DCT: variants seen among roughly 807,000 people sequenced by gnomAD.
DCT encodes the protein dopachrome tautomerase.
A neutral mutation model predicts 53.0 loss-of-function variants in DCT; 47 were observed. That is an observed-to-expected ratio of 0.89 (90% confidence interval 0.70 to 1.13). The LOEUF (loss-of-function observed/expected upper bound fraction) is 1.13, where lower values mean the gene tolerates loss of function less well. DCT is among the 50% of genes most tolerant of loss of function. The pLI, the probability that DCT is intolerant of heterozygous loss-of-function variation, is 0.00. For synonymous variants in DCT, 244 were observed against 237.0 expected (o/e 1.03, Z -0.27); for missense variants, 669 against 637.4 (o/e 1.05, Z -0.53).
intron 7 of DCT, among the ~76,000 whole-genome samples, chr13:94,442,539 G>A (rs1252501706): frequency 1.3e-5 from 2 of 152,130 alleles, no homozygotes; most frequent in East Asian, 3.9e-4. Flanking sequence ...TCTTTAAATG[G>A]TGTGTGGAGC....
In DCT at chr13:94,465,725, A is replaced by G. The variant is rs780808126; in HGVS notation, c.771T>C (p.Cys257=). The G allele has an allele frequency of 6.0e-5, 96 of 1,613,300 alleles. No homozygotes were observed. The highest frequency in any genetic ancestry group is 8.0e-5 in the Non-Finnish European group (94 of 1,179,838). ...TCGCTGCCCCAAACAGCTGGTCTGT[A>G]CACACATCACACTCGTTCCTCCCAG... ...FATGRNECDV[C]TDQLFGAARP... is the part of the protein sequence containing the mutation. Residue 257 remains cysteine (C), a synonymous_variant, in exon 4 of 8, where the codon TGT becomes TGC. Transcript: ENST00000377028.
At chr13:94,469,080 G>A in intron 1 of DCT, 35 bp from the exon 2 acceptor site, 2 of 1,550,912 alleles carry the variant, frequency 1.3e-6, no homozygotes, top group Non-Finnish European at 1.8e-6. Context: ...AAAGGAAGGG[G>A]GTTTATGTCG....
chr13:94,461,116 A>G (rs886195459), intron 5 of DCT, among the ~76,000 whole-genome samples: 1 of 152,218 alleles, frequency 6.6e-6, no homozygotes, highest in African/African-American at 2.4e-5. Context: ...TCATTGTGAC[A>G]AAAGTGCTAT....
At chr13:94,455,590 C>T (rs903651442) in intron 6 of DCT, among the ~76,000 whole-genome samples, 2 of 152,154 alleles carry the variant, frequency 1.3e-5, no homozygotes, top group Non-Finnish European at 2.9e-5. Context: ...TTTCATGATA[C>T]AGGGGCAGAG....
the DCT span, among the ~76,000 whole-genome samples, chr13:94,496,014 C>T: frequency 6.6e-6 from 1 of 152,272 alleles, no homozygotes; most frequent in South Asian, 2.1e-4. Flanking sequence ...TGACTCTTCT[C>T]TGCCTTTCTC....
At chr13:94,505,535 C>T in the DCT span, among the ~76,000 whole-genome samples, 1 of 152,014 alleles carries the variant, frequency 6.6e-6, no homozygotes, top group Non-Finnish European at 1.5e-5. Context: ...TGTAAGCCAT[C>T]TGGTCATCTG....
chr13:94,518,736 A>C, the DCT span, among the ~76,000 whole-genome samples: 1 of 152,316 alleles, frequency 6.6e-6, no homozygotes, highest in Non-Finnish European at 1.5e-5. Context: ...TATTGTTTAA[A>C]ATACAAGTTT....
chr13:94,458,997 C>T (rs1883598135), intron 6 of DCT, among the ~76,000 whole-genome samples: 1 of 152,006 alleles, frequency 6.6e-6, no homozygotes, highest in Admixed American at 6.6e-5. Flanking sequence ...CCACCACAGC[C>T]TCCCAAGTAG....
upstream of DCT, among the ~76,000 whole-genome samples, chr13:94,483,865 C>T (rs79840236): frequency 0.047 from 7,203 of 152,196 alleles, 249 homozygotes; most frequent in Non-Finnish European, 0.073. Context: ...ACACAGTTCA[C>T]GATTTGACCT....
the DCT span, among the ~76,000 whole-genome samples, chr13:94,499,457 T>A: frequency 9.6e-6 from 1 of 104,224 alleles, no homozygotes; most frequent in African/African-American, 3.9e-5. Context: ...GGAGTGTGCA[T>A]GAGAGTGAGT....
At chr13:94,441,418 T>C (rs898148406) in intron 7 of DCT, among the ~76,000 whole-genome samples, 5 of 152,180 alleles carry the variant, frequency 3.3e-5, no homozygotes, top group Admixed American at 2.6e-4. Context: ...TGCAGTGGCA[T>C]TAAGTACATT....
At chr13:94,477,489 A>G (rs1162548470) in intron 1 of DCT, among the ~76,000 whole-genome samples, 1 of 139,734 alleles carries the variant, frequency 7.2e-6, no homozygotes, top group Non-Finnish European at 1.6e-5. Context: ...GGACTGCTAG[A>G]GAGGGGAGGG....
chr13:94,530,202 C>G, the DCT span, among the ~76,000 whole-genome samples: 1 of 152,130 alleles, frequency 6.6e-6, no homozygotes, highest in Non-Finnish European at 1.5e-5. Flanking sequence ...CGAATTCTAC[C>G]AGAGGTACAA....
chr13:94,452,571 A>G (rs1384521287), intron 6 of DCT: 3 of 745,996 alleles, frequency 4.0e-6, no homozygotes, highest in Admixed American at 1.9e-5. Flanking sequence ...GCATTTTTTT[A>G]CCCTTTAAGC....
At position 94,476,093 on chromosome 13, in the gene DCT, T is replaced by G. The variant is rs79632316; in HGVS notation, c.295+2868A>C. ...AGCCCTGCTTCTTTGGACTGGCTTATGTACATGGGACTTCCTTACAGCCTG... is the reference window on the plus strand; with the variant it reads ...AGCCCTGCTTCTTTGGACTGGCTTAGGTACATGGGACTTCCTTACAGCCTG... On this transcript the variant is annotated intron_variant, in intron 1 of 7. Coordinates refer to ENST00000377028, the MANE Select transcript of DCT (RefSeq NM_001922.5). Among the ~76,000 whole-genome samples the G allele has an allele frequency of 6.7e-3, 1,014 of 152,086 alleles. 8 individuals carry two copies. The highest frequency in any genetic ancestry group is 9.5e-3 in the Non-Finnish European group (643 of 68,004).
At chr13:94,491,180 A>G in the DCT span, among the ~76,000 whole-genome samples, 2 of 152,180 alleles carry the variant, frequency 1.3e-5, no homozygotes, top group African/African-American at 4.8e-5. Context: ...AACAATAAAA[A>G]TTTATCATCT....
At position 94,443,568 on chromosome 13, in the gene DCT, A is replaced by G. The variant is rs777862227; in HGVS notation, c.1249T>C (p.Trp417Arg). The G allele has an allele frequency of 6.2e-7, 1 of 1,613,946 alleles. No homozygotes were observed. The highest frequency in any genetic ancestry group is 8.5e-7 in the Non-Finnish European group (1 of 1,179,846). ...MKRFNPPADA[W>R]PQELAPIGHN... ...CCAATAGGGGCCAGCTCCTGAGGCCAGGCATCTGCAGGAGGATTAAATCTT... is the reference window on the plus strand; with the variant it reads ...CCAATAGGGGCCAGCTCCTGAGGCCGGGCATCTGCAGGAGGATTAAATCTT... Residue 417 changes from tryptophan to arginine, a missense_variant, in exon 7 of 8, where the codon TGG becomes CGG. Trp to Arg is a moderately radical substitution (Grantham distance 101). Transcript: ENST00000377028.
intron 6 of DCT, among the ~76,000 whole-genome samples, chr13:94,457,969 G>A (rs561526690): frequency 3.9e-5 from 6 of 152,166 alleles, no homozygotes; most frequent in Non-Finnish European, 8.8e-5. Flanking sequence ...GTAGAACATC[G>A]ACAGCAGACA....
At chr13:94,490,508 A>C in the DCT span, among the ~76,000 whole-genome samples, 3 of 136,374 alleles carry the variant, frequency 2.2e-5, no homozygotes, top group Admixed American at 7.1e-5. Flanking sequence ...CGGTCTCAAA[A>C]AAAAAAAAAA....
Sources: allele counts gnomAD v4.1 joint callset (sites outside exome capture counted in the v4.1 genomes callset), GRCh38; gene constraint gnomAD v4.1.1; transcripts MANE v1.5; gene names NCBI Gene and HGNC (gene_info 2026-07-23, HGNC 2026-07-21).